The following IFT56 variants were observed in gnomAD, a reference collection of about 807,000 sequenced individuals.
IFT56 encodes the protein intraflagellar transport protein 56.
the IFT56 span, chr7:139,165,304 C>A: frequency 1.0e-6 from 1 of 1,003,558 alleles, no homozygotes; most frequent in Non-Finnish European, 1.5e-6. Flanking sequence ...TCTGATGGAA[C>A]TATTTGCTTC....
At chr7:139,157,786 A>G in the IFT56 span, among the ~76,000 whole-genome samples, 2 of 152,162 alleles carry the variant, frequency 1.3e-5, no homozygotes, top group Non-Finnish European at 1.5e-5. Context: ...GATTACAGGC[A>G]TAAGCCACCA....
the IFT56 span, among the ~76,000 whole-genome samples, chr7:139,137,625 C>T: frequency 1.3e-5 from 2 of 152,284 alleles, no homozygotes; most frequent in South Asian, 4.1e-4. Context: ...AGTATAATAT[C>T]AGTAAATACA....
the IFT56 span, among the ~76,000 whole-genome samples, chr7:139,150,168 C>T: frequency 2.0e-5 from 3 of 152,130 alleles, no homozygotes; most frequent in African/African-American, 7.2e-5. Flanking sequence ...AAAATGCATT[C>T]TTGGGGTAAT....
chr7:139,162,686 C>T, the IFT56 span, among the ~76,000 whole-genome samples: 2 of 152,056 alleles, frequency 1.3e-5, no homozygotes, highest in Admixed American at 6.5e-5. Context: ...TTTGGCCGGT[C>T]GCGGAGGCTC....
At chr7:139,183,719 A>T in the IFT56 span, among the ~76,000 whole-genome samples, 1 of 152,110 alleles carries the variant, frequency 6.6e-6, no homozygotes. Flanking sequence ...AGTTTCTTTA[A>T]TAAACATACT....
chr7:139,140,803 A>AG, the IFT56 span, among the ~76,000 whole-genome samples: 2 of 148,022 alleles, frequency 1.4e-5, no homozygotes, highest in African/African-American at 5.1e-5. Context: ...AAAAAAGTTA[A>AG]TTAAAGTATG....
chr7:139,175,158 G>A, the IFT56 span, among the ~76,000 whole-genome samples: 1 of 152,150 alleles, frequency 6.6e-6, no homozygotes, highest in East Asian at 1.9e-4. Context: ...AGTTAAAATG[G>A]CTTTTATGCA....
At chr7:139,148,430 A>G in the IFT56 span, 2 of 1,519,586 alleles carry the variant, frequency 1.3e-6, no homozygotes, top group Non-Finnish European at 1.8e-6. Context: ...GAATTACTTT[A>G]TACTTTCCAA....
the IFT56 span, chr7:139,173,545 C>A: frequency 5.2e-6 from 4 of 776,290 alleles, no homozygotes; most frequent in Non-Finnish European, 7.1e-6. Flanking sequence ...CCTTTTTATA[C>A]TGAGTTTGTT....
the IFT56 span, chr7:139,173,147 T>C: frequency 1.5e-6 from 1 of 663,940 alleles, no homozygotes; most frequent in East Asian, 2.5e-5. Context: ...AAAGGCAGGC[T>C]GGGAGAGAGT....
chr7:139,181,147 C>T, the IFT56 span: 1 of 1,613,038 alleles, frequency 6.2e-7, no homozygotes, highest in Non-Finnish European at 8.5e-7. Flanking sequence ...AGATGGAAAC[C>T]TCCGGCGAGT....
chr7:139,169,192 T>C, the IFT56 span: 1 of 1,051,716 alleles, frequency 9.5e-7, no homozygotes, highest in Non-Finnish European at 1.4e-6. Context: ...AAAACAAAGG[T>C]ATATTTAAAT....
the IFT56 span, among the ~76,000 whole-genome samples, chr7:139,140,756 CAAG>C: frequency 1.4e-5 from 1 of 69,178 alleles, no homozygotes; most frequent in Non-Finnish European, 2.8e-5. Flanking sequence ...GCCTGGGCAA[CAAG>C]AGTGAAACTC....
the IFT56 span, among the ~76,000 whole-genome samples, chr7:139,178,775 A>C: frequency 6.6e-6 from 1 of 152,178 alleles, no homozygotes; most frequent in Non-Finnish European, 1.5e-5. Flanking sequence ...AGTCCCAGCT[A>C]CTTGGGAGGC....
the IFT56 span, among the ~76,000 whole-genome samples, chr7:139,150,212 C>T: frequency 1.3e-5 from 2 of 152,112 alleles, no homozygotes; most frequent in Non-Finnish European, 2.9e-5. Context: ...CCAAGTCTGC[C>T]TAATTGGCTT....
chr7:139,137,810 A>C, the IFT56 span: 1 of 1,575,002 alleles, frequency 6.3e-7, no homozygotes, highest in Non-Finnish European at 8.7e-7. Flanking sequence ...TACTATTCAA[A>C]ATTTTCATGT....
At chr7:139,179,245 T>C in the IFT56 span, among the ~76,000 whole-genome samples, 2 of 152,240 alleles carry the variant, frequency 1.3e-5, no homozygotes, top group Admixed American at 6.5e-5. Context: ...TAGCTGAGTA[T>C]AGTGGCATGT....
At chr7:139,163,007 G>T in the IFT56 span, among the ~76,000 whole-genome samples, 1 of 149,874 alleles carries the variant, frequency 6.7e-6, no homozygotes, top group South Asian at 2.1e-4. Context: ...AGGATTAAAT[G>T]AGGTAATATG....
the IFT56 span, chr7:139,161,136 AG>A: frequency 3.4e-6 from 3 of 878,342 alleles, no homozygotes; most frequent in South Asian, 5.0e-5. Context: ...CTTTACTCCA[AG>A]GGAACCCCTC....
Sources: allele counts gnomAD v4.1 joint callset (sites outside exome capture counted in the v4.1 genomes callset), GRCh38; gene constraint gnomAD v4.1.1; transcripts MANE v1.5; gene names NCBI Gene and HGNC (gene_info 2026-07-23, HGNC 2026-07-21).